Variants in FAM13C observed in about 807,000 individuals in gnomAD.
The protein encoded by FAM13C is protein FAM13C.
In FAM13C, 37 loss-of-function variants were observed where a neutral mutation model predicts 73.2. The ratio of observed to expected loss-of-function variants is 0.51; its 90% CI spans 0.39 to 0.67. The LOEUF is 0.67. Ranked by LOEUF, FAM13C falls within the 30% of genes least tolerant of loss-of-function variation. The pLI is 0.00. For synonymous variants in FAM13C, 246 were observed against 260.9 expected, an observed-to-expected ratio of 0.94 and a Z score of 0.55; for missense variants, 589 against 715.6, an observed-to-expected ratio of 0.82 and a Z score of 2.02.
chr10:59,249,408 GAAAAAAA>G (rs71006241), intron 13 of FAM13C, among the ~76,000 whole-genome samples: 6 of 99,172 alleles, frequency 6.1e-5, no homozygotes, highest in Middle Eastern at 0.016. Context: ...CGTCTCAAAA[GAAAAAAA>G]AAAAAAAAAA....
intron 5 of FAM13C, among the ~76,000 whole-genome samples, chr10:59,284,031 A>ATATGTGTGTG (rs1554819300): frequency 2.0e-5 from 3 of 149,014 alleles, no homozygotes; most frequent in African/African-American, 7.4e-5. Flanking sequence ...ATGCTGGGGT[A>ATATGTGTGTG]TGTGTGTGTG....
At chr10:59,359,623 G>T (rs1355147954) in intron 1 of FAM13C, among the ~76,000 whole-genome samples, 2 of 152,200 alleles carry the variant, frequency 1.3e-5, no homozygotes, top group Non-Finnish European at 2.9e-5. Flanking sequence ...CTCTCTGAGG[G>T]CAGAGCCCAG....
At chr10:59,328,831 T>C (rs1851533684) in intron 3 of FAM13C, among the ~76,000 whole-genome samples, 1 of 152,240 alleles carries the variant, frequency 6.6e-6, no homozygotes, top group East Asian at 1.9e-4. Context: ...AATTAAGACA[T>C]GATTAATATA....
intron 1 of FAM13C, among the ~76,000 whole-genome samples, chr10:59,358,052 C>G: frequency 6.6e-6 from 1 of 152,098 alleles, no homozygotes; most frequent in Non-Finnish European, 1.5e-5. Context: ...GACTCTAACC[C>G]TTTCTACTTA....
At chr10:59,303,883 C>T (rs772711223) in intron 4 of FAM13C, among the ~76,000 whole-genome samples, 80 of 152,136 alleles carry the variant, frequency 5.3e-4, no homozygotes, top group Non-Finnish European at 1.1e-3. Context: ...GGCGCGGTGG[C>T]TCATGCCTGT....
At chr10:59,357,692 ATACT>A (rs1312322886) in intron 1 of FAM13C, among the ~76,000 whole-genome samples, 1 of 152,198 alleles carries the variant, frequency 6.6e-6, no homozygotes, top group Non-Finnish European at 1.5e-5. Context: ...AAGTTATGAG[ATACT>A]TACTCCCTAT....
Position 59,268,832 on chromosome 10 carries a change from C to G in FAM13C, c.804-141G>C. ...TTATTTGATGAGGCCACCATGGTAG[C>G]ATCTGCTCATTAATGGAGACTCCCT... On this transcript the variant is annotated intron_variant, in intron 7 of 13. Coordinates refer to ENST00000618804, the MANE Select transcript of FAM13C (RefSeq NM_198215.4). The G allele has an allele frequency of 3.2e-6, 3 of 944,986 alleles. No homozygotes were observed. The South Asian group carries it at 5.4e-5, about 17-fold the overall frequency. 58.5% of individuals were successfully genotyped at this position (944,986 alleles called of 1,614,324 possible).
chr10:59,254,928 T>C (rs1841806052), intron 10 of FAM13C, among the ~76,000 whole-genome samples: 1 of 152,148 alleles, frequency 6.6e-6, no homozygotes, highest in South Asian at 2.1e-4. Flanking sequence ...ATGTAGCACA[T>C]GCCAGTTTTT....
In FAM13C at chr10:59,348,781, G is replaced by A. The variant is rs118186990; in HGVS notation, c.324+3489C>T. 7.5e-3 allele frequency among the ~76,000 whole-genome samples: 1,134 copies of A among 152,162 alleles called. 5 individuals carry two copies. Among genetic ancestry groups the A allele is most frequent in the Non-Finnish European group, 0.013 (877 of 68,002 alleles). On this transcript the variant is annotated intron_variant, in intron 3 of 13. Coordinates refer to ENST00000618804, the MANE Select transcript of FAM13C (RefSeq NM_198215.4). ...CTCCCGAGTAGCTGGGACTATAGGC[G>A]TGCACTACCATGCCTGGCTGATTTT...
chr10:59,326,624 T>G (rs370615694), intron 3 of FAM13C, among the ~76,000 whole-genome samples: 4 of 152,284 alleles, frequency 2.6e-5, no homozygotes, highest in African/African-American at 7.2e-5. Context: ...ATTTCACTCA[T>G]AAGAAAAGGA....
chr10:59,338,677 A>C (rs1235810100), intron 3 of FAM13C, among the ~76,000 whole-genome samples: 1 of 152,112 alleles, frequency 6.6e-6, no homozygotes, highest in Non-Finnish European at 1.5e-5. Flanking sequence ...AGCTTCCCCA[A>C]GGTAGAAGTC....
In FAM13C at chr10:59,266,294, A is replaced by C. The variant is rs534703717; in HGVS notation, c.943-2128T>G. On this transcript the variant is annotated intron_variant, in intron 8 of 13. Coordinates refer to ENST00000618804, the MANE Select transcript of FAM13C (RefSeq NM_198215.4). ...ATCAAATGCAAAATCAGATGTAGAG[A>C]TGTAGAGAATTTGGGGTAGGTATAT... Among the ~76,000 whole-genome samples, 5 of 152,308 alleles carry C rather than the reference A, an allele frequency of 3.3e-5. No homozygotes were observed. The South Asian group carries it at 1.0e-3, about 32-fold the overall frequency.
intron 8 of FAM13C, among the ~76,000 whole-genome samples, chr10:59,265,211 A>G (rs191334736): frequency 1.3e-5 from 2 of 152,018 alleles, no homozygotes; most frequent in Admixed American, 1.3e-4. Context: ...AAAACCATAC[A>G]TTTTAAAATT....
At chr10:59,320,832 T>C (rs905766768) in intron 4 of FAM13C, among the ~76,000 whole-genome samples, 9 of 152,250 alleles carry the variant, frequency 5.9e-5, no homozygotes, top group African/African-American at 2.2e-4. Flanking sequence ...ATTTAGGTTA[T>C]AGTTCACAAT....
chr10:59,327,868 A>G (rs1475854839), intron 3 of FAM13C, among the ~76,000 whole-genome samples: 1 of 152,198 alleles, frequency 6.6e-6, no homozygotes, highest in Non-Finnish European at 1.5e-5. Flanking sequence ...AGGGTAAGAG[A>G]GCAGATTCTA....
At chr10:59,309,991 T>C (rs1848733804) in intron 4 of FAM13C, among the ~76,000 whole-genome samples, 1 of 152,192 alleles carries the variant, frequency 6.6e-6, no homozygotes. Flanking sequence ...ATGACTCTCA[T>C]TCCCATAACA....
At chr10:59,348,130 A>G (rs947284541) in intron 3 of FAM13C, among the ~76,000 whole-genome samples, 2 of 152,234 alleles carry the variant, frequency 1.3e-5, no homozygotes, top group Non-Finnish European at 2.9e-5. Context: ...CGCAATATCT[A>G]TGATGGTGCT....
At chr10:59,269,072 C>G (rs925599310) in intron 7 of FAM13C, among the ~76,000 whole-genome samples, 2 of 152,088 alleles carry the variant, frequency 1.3e-5, no homozygotes, top group Admixed American at 1.3e-4. Flanking sequence ...CTTTTCTTGA[C>G]ATAACAGGAC....
At chr10:59,283,813 G>A in intron 5 of FAM13C, 2 of 479,472 alleles carry the variant, frequency 4.2e-6, no homozygotes, top group South Asian at 3.7e-5. Flanking sequence ...TGCTTCCCGG[G>A]TGCTTGAGGC....
Sources: gnomAD v4.1 joint callset for allele counts (sites outside exome capture counted in the v4.1 genomes callset) on GRCh38, gnomAD v4.1.1 for gene constraint, MANE v1.5 for transcripts, NCBI Gene and HGNC (gene_info 2026-07-23, HGNC 2026-07-21) for gene names.